The following ADAMTS12 variants were observed in gnomAD, a reference collection of about 807,000 sequenced individuals.
ADAMTS12 encodes the protein A disintegrin and metalloproteinase with thrombospondin motifs 12.
ADAMTS12 carries 118 observed loss-of-function variants against 167.8 expected under a neutral mutation model. The ratio of observed to expected loss-of-function variants is 0.70; its 90% CI spans 0.61 to 0.82. The LOEUF (loss-of-function observed/expected upper bound fraction) is 0.82, where lower values mean the gene tolerates loss of function less well. Among genes scored for constraint, ADAMTS12 ranks in the 40% least tolerant of loss-of-function variants. The pLI, the probability that ADAMTS12 is intolerant of heterozygous loss-of-function variation, is 0.00. For missense variants in ADAMTS12, 1,916 were observed against 1,998.8 expected, an observed-to-expected ratio of 0.96 and a Z score of 0.79; for synonymous variants, 704 against 716.9, an observed-to-expected ratio of 0.98 and a Z score of 0.29.
At chr5:33,624,381 C>T in intron 13 of ADAMTS12, 30 bp from the exon 14 acceptor site, 2 of 1,613,084 alleles carry the variant, frequency 1.2e-6, no homozygotes, top group South Asian at 1.1e-5. Flanking sequence ...AGGATGAATG[C>T]CCAGGCAGGG....
At chr5:33,801,273 G>A (rs1209868634) in intron 2 of ADAMTS12, among the ~76,000 whole-genome samples, 1 of 152,192 alleles carries the variant, frequency 6.6e-6, no homozygotes, top group Non-Finnish European at 1.5e-5. Context: ...AGAGCTGTAG[G>A]AAACTGATAC....
At chr5:33,630,974 A>G (rs1739901005) in intron 12 of ADAMTS12, 61 bp from the exon 13 acceptor site, 1 of 1,591,982 alleles carries the variant, frequency 6.3e-7, no homozygotes, top group African/African-American at 1.3e-5. Context: ...ATCCTCCCCC[A>G]GGATTCCTCC....
At chr5:33,688,081 C>T (rs1742406933) in intron 3 of ADAMTS12, among the ~76,000 whole-genome samples, 1 of 152,186 alleles carries the variant, frequency 6.6e-6, no homozygotes, top group Non-Finnish European at 1.5e-5. Context: ...AAAACATCTT[C>T]TTTGGCCTTT....
intron 2 of ADAMTS12, among the ~76,000 whole-genome samples, chr5:33,871,160 T>C (rs576576381): frequency 1.3e-5 from 2 of 152,314 alleles, no homozygotes; most frequent in African/African-American, 4.8e-5. Flanking sequence ...AATAGAAAAT[T>C]TGAATAGCCC....
At chr5:33,662,736 G>C (rs1252248000) in intron 5 of ADAMTS12, among the ~76,000 whole-genome samples, 1 of 152,222 alleles carries the variant, frequency 6.6e-6, no homozygotes, top group East Asian at 1.9e-4. Flanking sequence ...AAATTATCTG[G>C]ATGAACACTT....
At chr5:33,789,960 G>A (rs567225655) in intron 2 of ADAMTS12, among the ~76,000 whole-genome samples, 7 of 66,570 alleles carry the variant, frequency 1.1e-4, no homozygotes, top group East Asian at 3.8e-4. Flanking sequence ...ATTTCACCCC[G>A]AGACTACACT....
At chr5:33,628,802 C>A (rs1739783132) in intron 13 of ADAMTS12, among the ~76,000 whole-genome samples, 2 of 152,022 alleles carry the variant, frequency 1.3e-5, no homozygotes, top group Admixed American at 6.6e-5. Context: ...GATTTGACAC[C>A]ATTTTTTCAG....
intron 2 of ADAMTS12, among the ~76,000 whole-genome samples, chr5:33,817,890 T>C (rs1019808349): frequency 5.9e-5 from 9 of 152,156 alleles, no homozygotes; most frequent in African/African-American, 1.2e-4. Flanking sequence ...AATCTTTCCA[T>C]AGTAGAATAT....
In ADAMTS12 at chr5:33,524,652, A is replaced by C. The variant is rs1467522191; in HGVS notation, c.*2536T>G. The stretch of plus-strand genomic sequence containing the variant: ...TGTACAGCAAGCACTGGGACATGTC[A>C]AAATACTGACGACTCATCACTGAGT... On this transcript the variant is annotated 3_prime_UTR_variant, in exon 24 of 24. Transcript: ENST00000504830. 1 of 152,228 alleles carries C rather than the reference A, an allele frequency of 6.6e-6. No homozygotes were observed. The highest frequency in any genetic ancestry group is 1.5e-5 in the Non-Finnish European group (1 of 68,054). 9.4% of individuals were successfully genotyped at this position (152,228 alleles called of 1,614,324 possible).
intron 3 of ADAMTS12, among the ~76,000 whole-genome samples, chr5:33,735,819 T>C (rs1401548908): frequency 6.6e-6 from 1 of 152,192 alleles, no homozygotes; most frequent in African/African-American, 2.4e-5. Flanking sequence ...TATTGCTGGC[T>C]CCAAACCTCT....
At chr5:33,889,739 G>T (rs1191113080) in intron 1 of ADAMTS12, among the ~76,000 whole-genome samples, 1 of 152,164 alleles carries the variant, frequency 6.6e-6, no homozygotes, top group Non-Finnish European at 1.5e-5. Flanking sequence ...GATCACCTGA[G>T]GTCAGGAGTT....
At chr5:33,794,828 TGGTATGA>T (rs1290792375) in intron 2 of ADAMTS12, among the ~76,000 whole-genome samples, 1 of 152,064 alleles carries the variant, frequency 6.6e-6, no homozygotes, top group African/African-American at 2.4e-5. Flanking sequence ...AGTAGGAAAG[TGGTATGA>T]TCTCCAGCAC....
intron 3 of ADAMTS12, among the ~76,000 whole-genome samples, chr5:33,713,063 G>T (rs1344452834): frequency 6.6e-6 from 1 of 152,108 alleles, no homozygotes; most frequent in Admixed American, 6.6e-5. Flanking sequence ...ACTGTGGAAG[G>T]CCAGGAATCT....
chr5:33,860,244 G>A (rs1010134324), intron 2 of ADAMTS12, among the ~76,000 whole-genome samples: 2 of 152,076 alleles, frequency 1.3e-5, no homozygotes, highest in Non-Finnish European at 2.9e-5. Context: ...CTAACCCAAT[G>A]CAAGGAAGCT....
intron 16 of ADAMTS12, chr5:33,603,719 C>G (rs1043604807): frequency 6.6e-6 from 1 of 152,096 alleles, no homozygotes; most frequent in Admixed American, 6.5e-5. Context: ...TCACATGGAT[C>G]TCTGATCTAG....
rs149493812 is a variant in ADAMTS12, at chr5:33,654,527, T to C, written c.1190+3657A>G. 3.3e-5 allele frequency among the ~76,000 whole-genome samples: 5 copies of C among 152,292 alleles called. No individual in the cohort carries two copies. The East Asian group carries it at 7.7e-4, about 24-fold the overall frequency. On this transcript the variant is annotated intron_variant, in intron 7 of 23. Coordinates refer to ENST00000504830, the MANE Select transcript of ADAMTS12 (RefSeq NM_030955.4). ...AAAGGGATGGCTCCTTGTTACTGTCTAGGGGTGGATGAAATTTCTGGCTCC... is the reference window on the plus strand; with the variant it reads ...AAAGGGATGGCTCCTTGTTACTGTCCAGGGGTGGATGAAATTTCTGGCTCC...
At chr5:33,763,839 T>C (rs1041630321) in intron 2 of ADAMTS12, among the ~76,000 whole-genome samples, 2 of 152,234 alleles carry the variant, frequency 1.3e-5, no homozygotes, top group Admixed American at 1.3e-4. Flanking sequence ...TGATATGGAA[T>C]GGAGAGCTTG....
intron 2 of ADAMTS12, among the ~76,000 whole-genome samples, chr5:33,869,407 G>A (rs906992580): frequency 6.6e-6 from 1 of 152,068 alleles, no homozygotes; most frequent in South Asian, 2.1e-4. Context: ...TGCAGGGGTA[G>A]AGCCCTCATG....
chr5:33,857,476 C>T (rs976655214), intron 2 of ADAMTS12, among the ~76,000 whole-genome samples: 44 of 151,432 alleles, frequency 2.9e-4, no homozygotes, highest in African/African-American at 1.0e-3. Context: ...GATGAATATG[C>T]TGATTCACTT....
Sources: gnomAD v4.1 joint callset for allele counts (sites outside exome capture counted in the v4.1 genomes callset) on GRCh38, gnomAD v4.1.1 for gene constraint, MANE v1.5 for transcripts, NCBI Gene and HGNC (gene_info 2026-07-23, HGNC 2026-07-21) for gene names.